MACROD2: variants seen among roughly 807,000 people sequenced by gnomAD.
MACROD2 encodes the protein ADP-ribose glycohydrolase MACROD2.
In MACROD2, 36 loss-of-function variants were observed where a neutral mutation model predicts 70.4. The observed-to-expected ratio is 0.51, with a 90% CI of 0.39 to 0.68. MACROD2 has a LOEUF of 0.68. Among genes scored for constraint, MACROD2 ranks in the 30% least tolerant of loss-of-function variants. The probability of loss-of-function intolerance (pLI) is 0.00; values close to 1 mark genes in which losing one functional copy is unlikely to be tolerated. For missense variants in MACROD2, 496 were observed against 538.4 expected, an observed-to-expected ratio of 0.92 and a Z score of 0.78; for synonymous variants, 172 against 178.8, an observed-to-expected ratio of 0.96 and a Z score of 0.30.
At chr20:14,093,112 ACT>A (rs751384687) in intron 3 of MACROD2, among the ~76,000 whole-genome samples, 3 of 151,908 alleles carry the variant, frequency 2.0e-5, no homozygotes, top group Non-Finnish European at 4.4e-5. Flanking sequence ...CAGGAATCTC[ACT>A]CTGTCACTCA....
intron 7 of MACROD2, among the ~76,000 whole-genome samples, chr20:15,480,400 C>T (rs1466859893): frequency 6.6e-6 from 1 of 152,182 alleles, no homozygotes; most frequent in Admixed American, 6.5e-5. Context: ...GATTCTGTGC[C>T]ATTTCTATGT....
intron 3 of MACROD2, among the ~76,000 whole-genome samples, chr20:14,464,060 G>T (rs949166439): frequency 1.3e-5 from 2 of 152,032 alleles, no homozygotes; most frequent in African/African-American, 4.8e-5. Flanking sequence ...AATTGAGTTA[G>T]GGAGGATTCC....
chr20:14,435,270 A>G (rs1184056326), intron 3 of MACROD2, among the ~76,000 whole-genome samples: 1 of 152,054 alleles, frequency 6.6e-6, no homozygotes. Context: ...ACTCTTCTCT[A>G]TGTCTCCTAA....
chr20:16,035,129 T>TA (rs879461459), intron 15 of MACROD2, among the ~76,000 whole-genome samples: 3 of 71,816 alleles, frequency 4.2e-5, no homozygotes, highest in Non-Finnish European at 9.0e-5. Flanking sequence ...ATATAAAATA[T>TA]TATATATTAT....
chr20:15,851,612 C>G (rs2064299332), intron 8 of MACROD2, among the ~76,000 whole-genome samples: 1 of 152,132 alleles, frequency 6.6e-6, no homozygotes, highest in African/African-American at 2.4e-5. Context: ...CAAATATAGT[C>G]ACATTCTGAG....
intron 2 of MACROD2, among the ~76,000 whole-genome samples, chr20:14,007,443 C>T (rs969047305): frequency 4.6e-5 from 7 of 152,016 alleles, no homozygotes; most frequent in African/African-American, 1.4e-4. Context: ...GAGAATGTCC[C>T]AGTGGTTAAC....
chr20:14,504,281 TTATC>T, intron 4 of MACROD2, among the ~76,000 whole-genome samples: 1 of 152,220 alleles, frequency 6.6e-6, no homozygotes, highest in East Asian at 1.9e-4. Flanking sequence ...TGCACATACA[TTATC>T]TATGTTAATT....
At chr20:15,666,102 T>G (rs1369223125) in intron 8 of MACROD2, among the ~76,000 whole-genome samples, 1 of 152,238 alleles carries the variant, frequency 6.6e-6, no homozygotes, top group Non-Finnish European at 1.5e-5. Flanking sequence ...AATTCTTATC[T>G]GCTGCCATCT....
chr20:15,771,278 G>T (rs753929766), intron 8 of MACROD2, among the ~76,000 whole-genome samples: 9 of 152,044 alleles, frequency 5.9e-5, no homozygotes, highest in Non-Finnish European at 1.2e-4. Flanking sequence ...GGGCTCAAGT[G>T]ATCCTCCCAC....
At chr20:15,794,677 C>T (rs144813336) in intron 8 of MACROD2, among the ~76,000 whole-genome samples, 9 of 152,294 alleles carry the variant, frequency 5.9e-5, no homozygotes, top group African/African-American at 9.6e-5. Context: ...GGTTAATACT[C>T]GGAATCACGG....
intron 3 of MACROD2, among the ~76,000 whole-genome samples, chr20:14,123,280 A>G (rs2054607228): frequency 6.6e-6 from 1 of 152,192 alleles, no homozygotes; most frequent in Non-Finnish European, 1.5e-5. Flanking sequence ...TTGATAAATC[A>G]TATAGGACCT....
intron 8 of MACROD2, among the ~76,000 whole-genome samples, chr20:15,557,092 C>A (rs2048178256): frequency 6.6e-6 from 1 of 151,998 alleles, no homozygotes. Flanking sequence ...ACATAAAATT[C>A]ATATGCAAAT....
At chr20:14,445,413 G>C (rs944786001) in intron 3 of MACROD2, among the ~76,000 whole-genome samples, 2 of 152,068 alleles carry the variant, frequency 1.3e-5, no homozygotes, top group Non-Finnish European at 2.9e-5. Flanking sequence ...GTATGTATCA[G>C]TCTTTACCAG....
chr20:15,669,844 G>A (rs1457868195), intron 8 of MACROD2, among the ~76,000 whole-genome samples: 5 of 152,184 alleles, frequency 3.3e-5, no homozygotes, highest in African/African-American at 1.2e-4. Flanking sequence ...GAATAGGCTG[G>A]GGGAAGACTG....
intron 5 of MACROD2, among the ~76,000 whole-genome samples, chr20:15,095,199 C>A (rs1240234042): frequency 2.0e-5 from 3 of 150,962 alleles, no homozygotes; most frequent in African/African-American, 7.3e-5. Context: ...GCCTCAGCCT[C>A]CCCAGTAGCT....
intron 5 of MACROD2, among the ~76,000 whole-genome samples, chr20:14,789,459 A>AT (rs1230000349): frequency 3.1e-4 from 15 of 48,860 alleles, no homozygotes; most frequent in East Asian, 1.2e-3. Context: ...AGGTAGTGCA[A>AT]ATTTTTTTTT....
intron 8 of MACROD2, among the ~76,000 whole-genome samples, chr20:15,517,777 CTGG>C (rs1483949123): frequency 6.6e-6 from 1 of 152,172 alleles, no homozygotes; most frequent in East Asian, 1.9e-4. Flanking sequence ...TCACTCTTTC[CTGG>C]CCCCTCAGCA....
At chr20:14,891,938 A>C (rs376531142) in intron 5 of MACROD2, among the ~76,000 whole-genome samples, 1 of 152,140 alleles carries the variant, frequency 6.6e-6, no homozygotes, top group Non-Finnish European at 1.5e-5. Context: ...AGATGAATAT[A>C]TGTTTATAGA....
At chr20:14,237,085 A>G (rs1335216361) in intron 3 of MACROD2, among the ~76,000 whole-genome samples, 11 of 152,154 alleles carry the variant, frequency 7.2e-5, no homozygotes, top group Admixed American at 7.2e-4. Flanking sequence ...TTCAATAATT[A>G]GAAGATAATA....
Sources: gnomAD v4.1 joint callset for allele counts (sites outside exome capture counted in the v4.1 genomes callset) on GRCh38, gnomAD v4.1.1 for gene constraint, MANE v1.5 for transcripts, NCBI Gene and HGNC (gene_info 2026-07-23, HGNC 2026-07-21) for gene names.